TNXB: variants seen among roughly 807,000 people sequenced by gnomAD.
TNXB encodes tenascin-X.
In TNXB, 183 loss-of-function variants were observed where a neutral mutation model predicts 340.5. That is an observed-to-expected ratio of 0.54 (90% CI 0.48 to 0.61). TNXB has a LOEUF of 0.61. TNXB is among the 20% of genes least tolerant of loss of function. TNXB has a pLI of 0.00. For synonymous variants in TNXB, 2,121 were observed against 2,314.5 expected (o/e 0.92, Z 2.40); for missense variants, 4,613 against 5,446.4 (o/e 0.85, Z 4.82).
At chr6:32,101,537 C>G (rs1307399050) in intron 1 of TNXB, among the ~76,000 whole-genome samples, 1 of 151,784 alleles carries the variant, frequency 6.6e-6, no homozygotes, top group Non-Finnish European at 1.5e-5. Context: ...GATCCGCCCA[C>G]CTTGGCCTCC....
Position 32,095,076 on chromosome 6 carries a change from C to T in TNXB, c.2358G>A (p.Thr786=), listed in dbSNP as rs954506086. 5.8e-6 allele frequency: 9 copies of T among 1,547,942 alleles called. No individual in the cohort carries two copies. The highest frequency in any genetic ancestry group is 3.6e-5 in the South Asian group (3 of 83,344). The change falls in exon 4 of 44, where the codon ACG becomes ACA. Residue 786 remains threonine, a splice_region_variant and synonymous_variant. Transcript: ENST00000644971. ...VDAYEIQFIP[T]TEGASPPFTA... Reference sequence around the variant, plus strand: ...TCCTGGAGCCTGGCATCTCTCTCACCGTGGGGATGAACTGAATTTCATAGG... The same window carrying T: ...TCCTGGAGCCTGGCATCTCTCTCACTGTGGGGATGAACTGAATTTCATAGG...
At chr6:32,106,851 C>G (rs1217239943) in intron 1 of TNXB, among the ~76,000 whole-genome samples, 1 of 152,228 alleles carries the variant, frequency 6.6e-6, no homozygotes, top group Non-Finnish European at 1.5e-5. Context: ...GGAATGCTTG[C>G]ACAAAGATGT....
intron 1 of TNXB, among the ~76,000 whole-genome samples, chr6:32,098,685 G>A (rs1012882843): frequency 2.0e-5 from 3 of 152,180 alleles, no homozygotes; most frequent in African/African-American, 7.2e-5. Flanking sequence ...TCTCCATGTC[G>A]GTCAGGCTGG....
chr6:32,049,950 G>A lies in TNXB; in HGVS notation c.9439+48C>T. The A allele has an allele frequency of 6.2e-7, 1 of 1,610,180 alleles. No homozygotes were observed. Among genetic ancestry groups the A allele is most frequent in the East Asian group, 2.2e-5 (1 of 44,798 alleles). ...CACCAGTCATCACCAAAGAGCAAGA[G>A]GTGGCCCTCCCACAGCTCCCACCCT... is the stretch of plus-strand genomic sequence containing the variant. On this transcript the variant is annotated intron_variant, in intron 27 of 43. Coordinates refer to ENST00000644971, the MANE Select transcript of TNXB (RefSeq NM_001365276.2). This position sits in a 1 kb window ranked among gnomAD's most constrained non-coding sequence, Gnocchi z 4.5.
intron 1 of TNXB, among the ~76,000 whole-genome samples, chr6:32,099,188 A>G (rs1780582109): frequency 6.6e-6 from 1 of 151,550 alleles, no homozygotes; most frequent in Admixed American, 6.6e-5. Flanking sequence ...CCCAGCTCCT[A>G]CTGTCTTCTA....
In TNXB at chr6:32,089,298, G is replaced by T; in HGVS notation, c.2440C>A (p.Gln814Lys). 1 of 1,608,136 alleles carries T rather than the reference G, an allele frequency of 6.2e-7. No individual in the cohort carries two copies. Residue 814 changes from glutamine to lysine, a missense_variant, in exon 5 of 44, where the codon CAG (glutamine) becomes AAG (lysine). Transcript: ENST00000644971. This position sits in a 1 kb window ranked among gnomAD's most constrained non-coding sequence, Gnocchi z 6.2. ...AYDQRGLAPG[Q>K]EYQVTVRALR... Reference sequence around the variant, plus strand: ...GCTCGGACAGTGACCTGGTACTCCTGTCCAGGGGCCAGTCCTCTCTGGTCA... The same window carrying T: ...GCTCGGACAGTGACCTGGTACTCCTTTCCAGGGGCCAGTCCTCTCTGGTCA...
rs774873249 is a variant in TNXB at position 32,069,642 on chromosome 6, C to A, written c.5498G>T (p.Gly1833Val). Residue 1833 changes from glycine to valine, a missense_variant, in exon 15 of 44, where the codon GGC becomes GTC. By Grantham distance (109) the Gly-to-Val change is moderately radical. Coordinates refer to ENST00000644971, the MANE Select transcript of TNXB (RefSeq NM_001365276.2). The surrounding 1 kb of genome is among the most constrained non-coding windows in gnomAD (Gnocchi z 6.2). Reference sequence around the variant, plus strand: ...CTTGTACCTGTGGGCAGGGTCCAGGCCCGGCACGCTGACCTCCCTGAGGCT... The same window carrying A: ...CTTGTACCTGTGGGCAGGGTCCAGGACCGGCACGCTGACCTCCCTGAGGCT... ...EGSLREVSVPGLDPAHRYKLL... is the reference protein window; with the variant it reads ...EGSLREVSVPVLDPAHRYKLL... 1 of 1,612,816 alleles carries A rather than the reference C, an allele frequency of 6.2e-7. No individual in the cohort carries two copies. The highest frequency in any genetic ancestry group is 1.1e-5 in the South Asian group (1 of 90,982).
chr6:32,089,161 A>T lies in TNXB; in HGVS notation c.2515+62T>A. 1 of 1,566,130 alleles carries T rather than the reference A, an allele frequency of 6.4e-7. No homozygotes were observed. The highest frequency in any genetic ancestry group is 8.7e-7 in the Non-Finnish European group (1 of 1,155,078). ...CCTTCCTTCTGCCCTCCCGGAGGGC[A>T]GATTCCCTCTCTAGTCCAGATCTCC... On this transcript the variant is annotated intron_variant, in intron 5 of 43. Transcript: ENST00000644971. The surrounding 1 kb of genome is among the most constrained non-coding windows in gnomAD (Gnocchi z 6.2).
chr6:32,086,072 G>A lies in TNXB; in HGVS notation c.2826C>T (p.Pro942=), dbSNP rs1191391900. 6.3e-7 allele frequency: 1 copy of A among 1,582,146 alleles called. No individual in the cohort carries two copies. Among genetic ancestry groups the A allele is most frequent in the Non-Finnish European group, 8.6e-7 (1 of 1,165,124 alleles). The change falls in exon 7 of 44, where the codon CCC becomes CCT. Residue 942 remains proline (P), a synonymous_variant. Transcript: ENST00000644971. ...GLLGTTDEPP[P]SGPSTTQGAQ... is the part of the protein sequence containing the mutation. ...CCCCTTGCGTCGTCGAGGGGCCTGA[G>A]GGAGGAGGCTCATCGGTAGTCCCCA... is the stretch of plus-strand genomic sequence containing the variant.
intron 28 of TNXB, 24 bp from the exon 29 acceptor site, chr6:32,048,674 T>G: frequency 3.5e-6 from 5 of 1,431,306 alleles, no homozygotes; most frequent in Non-Finnish European, 4.6e-6. Context: ...AGCAGGCCCA[T>G]GGGTCAGGAG....
intron 1 of TNXB, among the ~76,000 whole-genome samples, 164 bp from the exon 2 acceptor site, chr6:32,098,370 T>C (rs1207232301): frequency 2.0e-5 from 3 of 152,216 alleles, no homozygotes; most frequent in Admixed American, 6.5e-5. Context: ...ATACCCTCCC[T>C]GGGCAAGTCT....
In TNXB at chr6:32,056,040, G is replaced by T. The variant is rs746525428; in HGVS notation, c.8278C>A (p.Gln2760Lys). Residue 2760 changes from glutamine to lysine, a missense_variant, in exon 24 of 44, where the codon CAG becomes AAG. Coordinates refer to ENST00000644971, the MANE Select transcript of TNXB (RefSeq NM_001365276.2). ...DSLSLSWTIP[Q>K]GHFDSFTVQY... ...ACGGTGAAGGAGTCGAAGTGGCCCT[G>T]GGGGATGGTCCAGGAGAGGCTCAGC... 1.2e-6 allele frequency: 2 copies of T among 1,613,056 alleles called. No individual in the cohort carries two copies. Among genetic ancestry groups the T allele is most frequent in the Non-Finnish European group, 1.7e-6 (2 of 1,179,880 alleles).
At position 32,087,570 on chromosome 6, in the gene TNXB, G is replaced by A. The variant is rs1448421036; in HGVS notation, c.2779+1215C>T. The A allele has an allele frequency of 2.4e-6, 1 of 418,612 alleles. No individual in the cohort carries two copies. The highest frequency in any genetic ancestry group is 2.1e-5 in the African/African-American group (1 of 46,522). 25.9% of individuals were successfully genotyped at this position (418,612 alleles called of 1,614,324 possible). On this transcript the variant is annotated intron_variant, in intron 6 of 43. Transcript: ENST00000644971. This position sits in a 1 kb window ranked among gnomAD's most constrained non-coding sequence, Gnocchi z 9.0. ...CAGGCGAGAGGCCGTAGATTCCCTG[G>A]TTGGAGTCCCGTTTCCTGGTGCCGG...
intron 25 of TNXB, 96 bp downstream of exon 25, chr6:32,053,292 C>G (rs1777407702): frequency 6.6e-7 from 1 of 1,518,480 alleles, no homozygotes; most frequent in Non-Finnish European, 8.9e-7. Flanking sequence ...ATGGCTCAGC[C>G]AAGAGCAGAG....
At position 32,042,567 on chromosome 6, in the gene TNXB, T is replaced by G. The variant is rs751337163; in HGVS notation, c.12098A>C (p.Glu4033Ala). ...RIPFPRDCGE[E>A]MQNGAGASRT... ...GGAGGCACCGGCTCCGTTCTGCATC[T>G]CCTCCCCGCAGTCCCTGGGGAAGGG... The change falls in exon 40 of 44, where the codon GAG (glutamate) becomes GCG (alanine). Residue 4033 changes from glutamate to alanine, a missense_variant. Physicochemically the swap from Glu to Ala is moderately radical, Grantham distance 107. Around this residue, in one of 7 missense-constraint regions of TNXB, gnomAD observed 121 missense variants for 177.4 expected, o/e 0.68. Transcript: ENST00000644971. 4 of 1,603,284 alleles carry G rather than the reference T, an allele frequency of 2.5e-6. No homozygotes were observed. In the South Asian group the frequency reaches 3.3e-5, roughly 13 times the overall value.
rs1209998922 is a variant in TNXB, at chr6:32,087,374, C to G, written c.2780-1256G>C. 2.1e-6 allele frequency: 1 copy of G among 473,430 alleles called. No homozygotes were observed. The highest frequency in any genetic ancestry group is 4.2e-6 in the Non-Finnish European group (1 of 237,362). 29.3% of individuals were successfully genotyped at this position (473,430 alleles called of 1,614,324 possible). On this transcript the variant is annotated intron_variant, in intron 6 of 43. Transcript: ENST00000644971. This position sits in a 1 kb window ranked among gnomAD's most constrained non-coding sequence, Gnocchi z 9.0. ...CTGACGGTGCGCGTGGTGCCCGGCA[C>G]AGTCAGCTCACCGCCGGGGCCCTCT...
Position 32,096,796 on chromosome 6 carries a change from C to T in TNXB, c.1057G>A (p.Val353Met). ...PWDCGEGGRC[V>M]DGRCVCWPGY... ...GGCCAGCACACGCAGCGGCCGTCCACGCAGCGCCCGCCCTCGCCACAGTCC... is the reference window on the plus strand; with the variant it reads ...GGCCAGCACACGCAGCGGCCGTCCATGCAGCGCCCGCCCTCGCCACAGTCC... The change falls in exon 3 of 44, where the codon GTG becomes ATG. Residue 353 changes from valine to methionine, a missense_variant. This residue lies in a region of TNXB where 4,327 missense variants were observed against 4,859.4 expected (regional missense o/e 0.89). Transcript: ENST00000644971. 6.3e-7 allele frequency: 1 copy of T among 1,583,384 alleles called. No homozygotes were observed. The highest frequency in any genetic ancestry group is 1.3e-5 in the African/African-American group (1 of 74,256).
intron 24 of TNXB, 113 bp downstream of exon 24, chr6:32,055,738 C>T: frequency 6.9e-7 from 1 of 1,440,062 alleles, no homozygotes; most frequent in Non-Finnish European, 9.3e-7. Flanking sequence ...GCAAGATCCC[C>T]AAGCATGGAA....
intron 26 of TNXB, among the ~76,000 whole-genome samples, 197 bp from the exon 27 acceptor site, chr6:32,050,518 C>A (rs1264159267): frequency 2.7e-5 from 4 of 150,324 alleles, no homozygotes; most frequent in African/African-American, 7.4e-5. Context: ...CCCCACCTCA[C>A]CCCCACCTCC....
Sources: allele counts gnomAD v4.1 joint callset (sites outside exome capture counted in the v4.1 genomes callset), GRCh38; gene constraint gnomAD v4.1.1; regional missense constraint gnomAD v4.1.1; non-coding constraint Gnocchi (gnomAD v3.1); transcripts MANE v1.5; gene names NCBI Gene and HGNC (gene_info 2026-07-23, HGNC 2026-07-21).